ST3GAL2: variants seen among roughly 807,000 people sequenced by gnomAD.
The protein encoded by ST3GAL2 is CMP-N-acetylneuraminate-beta-galactosamide-alpha-2,3-sialyltransferase 2.
A neutral mutation model predicts 37.5 loss-of-function variants in ST3GAL2; 16 were observed. The ratio of observed to expected loss-of-function variants is 0.43; its 90% CI spans 0.29 to 0.65. The LOEUF is 0.65. ST3GAL2 is among the 30% of genes least tolerant of loss of function. The probability of loss-of-function intolerance (pLI) is 0.17; values close to 1 mark genes in which losing one functional copy is unlikely to be tolerated. For synonymous variants in ST3GAL2, 238 were observed against 202.9 expected (o/e 1.17, Z -1.47); for missense variants, 383 against 487.8 (o/e 0.79, Z 2.02).
chr16:70,404,422 C>T (rs778502648), intron 1 of ST3GAL2, among the ~76,000 whole-genome samples: 29 of 152,078 alleles, frequency 1.9e-4, no homozygotes, highest in Non-Finnish European at 2.1e-4. Context: ...AGGGGTATTG[C>T]GAGGCTCAAG....
rs927968026 is a variant in ST3GAL2, at chr16:70,394,767, C to T, written c.533+215G>A. On this transcript the variant is annotated intron_variant, in intron 3 of 6. Transcript: ENST00000342907. ...CAGAGCCTTGGAAACAGAGTGCAGG[C>T]CTCAAGCAAAGCTTAGATTTGGGAT... Among the ~76,000 whole-genome samples, 3 of 152,208 alleles carry T rather than the reference C, an allele frequency of 2.0e-5. No homozygotes were observed. The East Asian group carries it at 5.8e-4, about 29-fold the overall frequency.
At chr16:70,413,818 CT>C (rs1395132885) in intron 1 of ST3GAL2, among the ~76,000 whole-genome samples, 1 of 151,738 alleles carries the variant, frequency 6.6e-6, no homozygotes, top group Non-Finnish European at 1.5e-5. Context: ...ATGGTAACAA[CT>C]TTTCTCAGGC....
chr16:70,387,220 C>A (rs1345671714), intron 4 of ST3GAL2, among the ~76,000 whole-genome samples: 1 of 151,940 alleles, frequency 6.6e-6, no homozygotes, highest in Non-Finnish European at 1.5e-5. Flanking sequence ...TCTGCCACTG[C>A]ACTCCAGTCT....
At chr16:70,435,349 A>C (rs2047817669) in intron 1 of ST3GAL2, among the ~76,000 whole-genome samples, 1 of 152,164 alleles carries the variant, frequency 6.6e-6, no homozygotes, top group Admixed American at 6.5e-5. Flanking sequence ...TAATCCCAGC[A>C]CTTTCGGAGG....
intron 1 of ST3GAL2, among the ~76,000 whole-genome samples, chr16:70,408,890 C>CAAAAAAAAAAACAAAAAAAA (rs2047613226): frequency 1.7e-5 from 1 of 59,854 alleles, no homozygotes. Flanking sequence ...CTCAAAGAAA[C>CAAAAAAAAAAACAAAAAAAA]AAAAAAAAAA....
chr16:70,401,245 G>A (rs1374876971), intron 1 of ST3GAL2, among the ~76,000 whole-genome samples: 1 of 152,188 alleles, frequency 6.6e-6, no homozygotes, highest in African/African-American at 2.4e-5. Flanking sequence ...AGCTGGCACA[G>A]GAGGCTTCCA....
chr16:70,437,835 G>A (rs919962591), intron 1 of ST3GAL2, among the ~76,000 whole-genome samples: 19 of 152,190 alleles, frequency 1.2e-4, no homozygotes, highest in African/African-American at 4.6e-4. Flanking sequence ...CACCAGGCAA[G>A]GAAGGGGTGG....
intron 1 of ST3GAL2, among the ~76,000 whole-genome samples, chr16:70,438,212 G>C (rs1022121075): frequency 1.3e-5 from 2 of 152,240 alleles, no homozygotes; most frequent in Non-Finnish European, 2.9e-5. Context: ...AAGCTAAGGG[G>C]AGACTCAAGT....
rs764060302 is a variant in ST3GAL2 at position 70,388,368 on chromosome 16, A to G, written c.712T>C (p.Phe238Leu). 5 of 1,614,116 alleles carry G rather than the reference A, an allele frequency of 3.1e-6. No individual in the cohort carries two copies. Among genetic ancestry groups the G allele is most frequent in the Admixed American group, 1.7e-5 (1 of 60,000 alleles). The change falls in exon 4 of 7, where the codon TTC (phenylalanine) becomes CTC (leucine). Residue 238 changes from phenylalanine (F) to leucine (L), a missense_variant and splice_region_variant. Physicochemically the swap from Phe to Leu is conservative, Grantham distance 22. This residue lies in a region of ST3GAL2 where 160 missense variants were observed against 248.6 expected (regional missense o/e 0.64). Coordinates refer to ENST00000342907, the MANE Select transcript of ST3GAL2 (RefSeq NM_006927.4). Reference protein sequence around the residue: ...ASALSTGQIRFTYAPVKSFLR... With the variant: ...ASALSTGQIRLTYAPVKSFLR... ...TACCCAGGCCAGCAAGAAGCTCACA[A>G]TCGGATCTGCCCCGTGGACAAGGCG...
rs961888522 is a variant in ST3GAL2, at chr16:70,398,689, C to T, written c.-159G>A. On this transcript the variant is annotated 5_prime_UTR_variant, in exon 2 of 7. Coordinates refer to ENST00000342907, the MANE Select transcript of ST3GAL2 (RefSeq NM_006927.4). ...TGGCAGGGGTCCCTTGCCACGCCCT[C>T]CCTCATGTAGGGAGAACACACGTTG... 11 of 700,112 alleles carry T rather than the reference C, an allele frequency of 1.6e-5. No homozygotes were observed. Among genetic ancestry groups the T allele is most frequent in the Non-Finnish European group, 2.1e-5 (9 of 425,264 alleles). The allele number at this position is 700,112 out of a possible 1,614,324, so 43.4% of individuals were successfully genotyped here. A position where few individuals can be genotyped will look rare whatever the true frequency, so the allele number is the denominator to read the frequency against.
intron 1 of ST3GAL2, among the ~76,000 whole-genome samples, chr16:70,423,616 G>T (rs2047730586): frequency 6.6e-6 from 1 of 151,900 alleles, no homozygotes; most frequent in East Asian, 1.9e-4. Context: ...CTGGCTTGGG[G>T]ATCTTGGGCA....
intron 2 of ST3GAL2, among the ~76,000 whole-genome samples, chr16:70,397,754 T>A (rs1192815886): frequency 1.3e-5 from 2 of 152,132 alleles, no homozygotes; most frequent in Non-Finnish European, 1.5e-5. Context: ...TAAAAAACAA[T>A]TATTTTGAGC....
intron 1 of ST3GAL2, among the ~76,000 whole-genome samples, chr16:70,409,500 T>G (rs1039954603): frequency 1.3e-5 from 2 of 152,106 alleles, no homozygotes; most frequent in Non-Finnish European, 2.9e-5. Context: ...TGCGCCACCA[T>G]GCCTGGCTAA....
chr16:70,429,315 C>T (rs533651776), intron 1 of ST3GAL2, among the ~76,000 whole-genome samples: 26 of 152,092 alleles, frequency 1.7e-4, no homozygotes, highest in South Asian at 1.0e-3. Flanking sequence ...TCCCTGAGGC[C>T]GGGTAAGGTG....
At chr16:70,414,316 C>T (rs1038968743) in intron 1 of ST3GAL2, among the ~76,000 whole-genome samples, 5 of 152,220 alleles carry the variant, frequency 3.3e-5, no homozygotes, top group African/African-American at 9.7e-5. Flanking sequence ...CTCTCCCATT[C>T]CCACTGCCAC....
intron 1 of ST3GAL2, among the ~76,000 whole-genome samples, chr16:70,437,881 G>A (rs943922643): frequency 6.6e-6 from 1 of 152,186 alleles, no homozygotes; most frequent in African/African-American, 2.4e-5. Flanking sequence ...CAAAGACGAG[G>A]CGGGAGTGTG....
intron 3 of ST3GAL2, 102 bp from the exon 4 acceptor site, chr16:70,388,648 G>A (rs1016760204): frequency 4.6e-6 from 6 of 1,313,252 alleles, no homozygotes; most frequent in Non-Finnish European, 5.2e-6. Context: ...GCAAACGGGT[G>A]TATACTCCAA....
At chr16:70,397,492 G>A (rs1044205632) in intron 2 of ST3GAL2, among the ~76,000 whole-genome samples, 3 of 152,026 alleles carry the variant, frequency 2.0e-5, no homozygotes, top group African/African-American at 4.8e-5. Flanking sequence ...GGGAAGCTGA[G>A]GCGGGCAGAT....
chr16:70,392,618 G>T (rs2047489271), intron 3 of ST3GAL2, among the ~76,000 whole-genome samples: 1 of 152,180 alleles, frequency 6.6e-6, no homozygotes, highest in Admixed American at 6.5e-5. Context: ...GGTCCACAGG[G>T]CTCAGAGGAC....
Sources: gnomAD v4.1 joint callset for allele counts (sites outside exome capture counted in the v4.1 genomes callset) on GRCh38, gnomAD v4.1.1 for gene constraint, gnomAD v4.1.1 regional missense constraint, MANE v1.5 for transcripts, NCBI Gene and HGNC (gene_info 2026-07-23, HGNC 2026-07-21) for gene names.